ZNF75D: variants seen among roughly 807,000 people sequenced by gnomAD.
ZNF75D encodes the protein zinc finger protein 75.
A neutral mutation model predicts 33.3 loss-of-function variants in ZNF75D; 33 were observed. The observed-to-expected ratio is 0.99, with a 90% CI of 0.75 to 1.32. The LOEUF is 1.32. Among genes scored for constraint, ZNF75D ranks in the 40% most tolerant of loss-of-function variants. ZNF75D has a pLI of 0.00. For synonymous variants in ZNF75D, 113 were observed against 130.6 expected (o/e 0.87, Z 0.92); for missense variants, 338 against 367.5 (o/e 0.92, Z 0.66).
chrX:135,329,205 T>C (rs2084620210), intron 1 of ZNF75D, among the ~76,000 whole-genome samples: 1 of 112,783 alleles, frequency 8.9e-6, no homozygotes, highest in Admixed American at 9.3e-5. Flanking sequence ...AATAGGATGA[T>C]AAAATGCATA....
At chrX:135,314,462 C>T (rs1409982948) in intron 1 of ZNF75D, among the ~76,000 whole-genome samples, 1 of 111,528 alleles carries the variant, frequency 9.0e-6, no homozygotes, top group African/African-American at 3.3e-5. Flanking sequence ...TTCTTTTTTA[C>T]TATGCCCTTG....
At position 135,319,338 on chromosome X, in the gene ZNF75D, G is replaced by A. The variant is rs192704488; in HGVS notation, c.-391+22430C>T. Among the ~76,000 whole-genome samples, 18 of 112,381 alleles carry A rather than the reference G, an allele frequency of 1.6e-4. No individual in the cohort carries two copies. In the East Asian group the frequency reaches 5.0e-3, roughly 31 times the overall value. ...TCTAATTAATTATTTTGTTGTAGAA[G>A]TTCCCACTTTGTATTACATGCAACA... On this transcript the variant is annotated intron_variant, in intron 1 of 6. Coordinates refer to ENST00000370766, the MANE Select transcript of ZNF75D (RefSeq NM_007131.5).
At chrX:135,283,761 C>A (rs2083929405), downstream of ZNF75D, among the ~76,000 whole-genome samples, 1 of 111,573 alleles carries the variant, frequency 9.0e-6, no homozygotes, top group African/African-American at 3.3e-5. Flanking sequence ...GAAGAGGTTT[C>A]TTGGGAGTGG....
chrX:135,291,585 G>A, intron 4 of ZNF75D, 22 bp from the exon 5 acceptor site: 4 of 1,201,470 alleles, frequency 3.3e-6, no homozygotes, highest in Non-Finnish European at 4.5e-6. Context: ...AAATAGCCAG[G>A]GAAAATTTCT....
At chrX:135,281,271 C>T (rs782802163), downstream of ZNF75D, among the ~76,000 whole-genome samples, 2 of 108,846 alleles carry the variant, frequency 1.8e-5, no homozygotes, top group South Asian at 8.0e-4. Flanking sequence ...TCTGCTTGAT[C>T]GATTTAGCTA....
chrX:135,277,042 T>C (rs1340653939), intron 1 of ZNF75D, among the ~76,000 whole-genome samples: 10 of 112,092 alleles, frequency 8.9e-5, no homozygotes, highest in African/African-American at 3.2e-4. Flanking sequence ...GTATTTCTGG[T>C]TCTAGATCCT....
At chrX:135,308,187 C>T (rs782233782) in intron 1 of ZNF75D, among the ~76,000 whole-genome samples, 1 of 112,263 alleles carries the variant, frequency 8.9e-6, no homozygotes, top group Non-Finnish European at 1.9e-5. Flanking sequence ...GTTGGCATTA[C>T]GTTCTGAGAG....
Position 135,293,743 on chromosome X carries a change from C to T in ZNF75D, c.398G>A (p.Gly133Glu). ...LVEFLQREPD[G>E]TKNEVTAHEL... ...CTTTCTTCTTACCTCATTCTTTGTT[C>T]CATCAGGCTCCCTCTGCAAGAATTC... is the stretch of plus-strand genomic sequence containing the variant. Residue 133 changes from glycine to glutamate, a missense_variant, in exon 3 of 7, where the codon GGA becomes GAA. Physicochemically the swap from Gly to Glu is moderately conservative, Grantham distance 98 (BLOSUM62 -2). Coordinates refer to ENST00000370766, the MANE Select transcript of ZNF75D (RefSeq NM_007131.5). 1 of 1,174,116 alleles carries T rather than the reference C, an allele frequency of 8.5e-7. No homozygotes were observed. The highest frequency in any genetic ancestry group is 1.1e-6 in the Non-Finnish European group (1 of 875,855).
intron 1 of ZNF75D, among the ~76,000 whole-genome samples, chrX:135,319,168 T>C (rs2084464161): frequency 8.9e-6 from 1 of 112,371 alleles, no homozygotes; most frequent in South Asian, 3.6e-4. Flanking sequence ...GTGTTTTTCC[T>C]CTAAGTTTCA....
At chrX:135,256,219 C>G (rs1257024144) in intron 1 of ZNF75D, among the ~76,000 whole-genome samples, 1 of 76,813 alleles carries the variant, frequency 1.3e-5, no homozygotes, top group African/African-American at 4.9e-5. Context: ...CTTCATATCA[C>G]TGAAAGAGGC....
intron 4 of ZNF75D, 74 bp downstream of exon 4, chrX:135,292,207 T>C: frequency 9.4e-7 from 1 of 1,061,873 alleles, no homozygotes; most frequent in Non-Finnish European, 1.3e-6. Flanking sequence ...ACCTGGAAAA[T>C]TCCCAGGACA....
chrX:135,296,381 C>T (rs1489553346), intron 1 of ZNF75D, among the ~76,000 whole-genome samples: 1 of 111,884 alleles, frequency 8.9e-6, no homozygotes, highest in Non-Finnish European at 1.9e-5. Flanking sequence ...CTGCTGGCTT[C>T]CTGGCGGCTG....
At chrX:135,306,416 A>G (rs1235308519) in intron 1 of ZNF75D, among the ~76,000 whole-genome samples, 1 of 111,934 alleles carries the variant, frequency 8.9e-6, no homozygotes. Context: ...ATATGCATAA[A>G]TGTATTTCTA....
chrX:135,273,307 C>T (rs1556417195), intron 1 of ZNF75D, among the ~76,000 whole-genome samples: 1 of 111,248 alleles, frequency 9.0e-6, no homozygotes, highest in African/African-American at 3.3e-5. Context: ...GGTCTCTGAT[C>T]CCTAATTGTG....
At chrX:135,318,905 TCTCA>T (rs1208127546) in intron 1 of ZNF75D, among the ~76,000 whole-genome samples, 3 of 112,352 alleles carry the variant, frequency 2.7e-5, no homozygotes, top group East Asian at 2.8e-4. Context: ...AGATGTTTTC[TCTCA>T]CTAAGTTACA....
At chrX:135,295,340 C>T (rs1262913310) in intron 2 of ZNF75D, among the ~76,000 whole-genome samples, 1 of 111,828 alleles carries the variant, frequency 8.9e-6, no homozygotes, top group Non-Finnish European at 1.9e-5. Context: ...CATCAAAAAT[C>T]AGGAAGTTTC....
intron 1 of ZNF75D, among the ~76,000 whole-genome samples, chrX:135,299,293 T>C (rs1556423933): frequency 8.9e-6 from 1 of 112,103 alleles, no homozygotes; most frequent in Non-Finnish European, 1.9e-5. Context: ...TTGCTAACAC[T>C]TGTTATTACA....
downstream of ZNF75D, among the ~76,000 whole-genome samples, chrX:135,284,552 T>C (rs148144741): frequency 0.012 from 1,329 of 111,542 alleles, 26 homozygotes; most frequent in African/African-American, 0.041. Context: ...CCTGGGGCCC[T>C]TGTATTCAAA....
At chrX:135,261,947 T>C (rs1216237076) in intron 1 of ZNF75D, among the ~76,000 whole-genome samples, 1 of 112,126 alleles carries the variant, frequency 8.9e-6, no homozygotes, top group Non-Finnish European at 1.9e-5. Context: ...GTTGTTTTCA[T>C]GTATAGTGCT....
Sources: gnomAD v4.1 joint callset for allele counts (sites outside exome capture counted in the v4.1 genomes callset) on GRCh38, gnomAD v4.1.1 for gene constraint, MANE v1.5 for transcripts, NCBI Gene and HGNC (gene_info 2026-07-23, HGNC 2026-07-21) for gene names.